Variants in FRMD4B observed in about 807,000 individuals in gnomAD.
FRMD4B encodes the protein FERM domain-containing protein 4B.
FRMD4B carries 74 observed loss-of-function variants against 141.5 expected under a neutral mutation model. The observed-to-expected ratio is 0.52, with a 90% CI of 0.43 to 0.63. The LOEUF is 0.63. Among genes scored for constraint, FRMD4B ranks in the 30% least tolerant of loss-of-function variants. The pLI, the probability that FRMD4B is intolerant of heterozygous loss-of-function variation, is 0.00. For synonymous variants in FRMD4B, 506 were observed against 467.9 expected, an observed-to-expected ratio of 1.08 and a Z score of -1.05; for missense variants, 1,366 against 1,253.4, an observed-to-expected ratio of 1.09 and a Z score of -1.36.
At chr3:69,299,653 TC>T (rs1264945979) in intron 4 of FRMD4B, among the ~76,000 whole-genome samples, 1 of 152,244 alleles carries the variant, frequency 6.6e-6, no homozygotes, top group Non-Finnish European at 1.5e-5. Flanking sequence ...TTAAAGTGAT[TC>T]ATTGTTTACT....
chr3:69,536,472 G>T, intron 1 of FRMD4B: 1 of 701,304 alleles, frequency 1.4e-6, no homozygotes, highest in Non-Finnish European at 2.6e-6. Flanking sequence ...AGAGCTTGAC[G>T]GCCACCGCCA....
chr3:69,324,227 T>C (rs928430454), intron 1 of FRMD4B, among the ~76,000 whole-genome samples: 4 of 152,222 alleles, frequency 2.6e-5, no homozygotes, highest in African/African-American at 9.6e-5. Context: ...ATGATATTTG[T>C]CAGTTATGTG....
chr3:69,405,239 T>C (rs1474430741), intron 2 of FRMD4B, among the ~76,000 whole-genome samples: 1 of 152,254 alleles, frequency 6.6e-6, no homozygotes, highest in Admixed American at 6.5e-5. Flanking sequence ...ATTCATTCTG[T>C]TGAGTGTGCT....
intron 1 of FRMD4B, among the ~76,000 whole-genome samples, chr3:69,470,954 T>C (rs1258422664): frequency 1.3e-5 from 2 of 152,322 alleles, no homozygotes; most frequent in East Asian, 3.9e-4. Flanking sequence ...CAAATAATGA[T>C]TAACTGCATC....
chr3:69,178,230 G>C (rs2092669509), intron 21 of FRMD4B, among the ~76,000 whole-genome samples: 1 of 152,134 alleles, frequency 6.6e-6, no homozygotes, highest in African/African-American at 2.4e-5. Context: ...TACACACAAA[G>C]TGCCTGTGAT....
chr3:69,475,100 G>A (rs773337239), intron 1 of FRMD4B, among the ~76,000 whole-genome samples: 1 of 152,142 alleles, frequency 6.6e-6, no homozygotes, highest in Non-Finnish European at 1.5e-5. Context: ...CTACAAAACA[G>A]GGCCAGGTTA....
At chr3:69,377,524 C>G (rs566841640) in intron 1 of FRMD4B, among the ~76,000 whole-genome samples, 1 of 152,328 alleles carries the variant, frequency 6.6e-6, no homozygotes, top group Admixed American at 6.5e-5. Context: ...ATGTGTTGCC[C>G]AAACTTATTT....
At chr3:69,237,194 T>C (rs2093350802) in intron 7 of FRMD4B, among the ~76,000 whole-genome samples, 2 of 117,564 alleles carry the variant, frequency 1.7e-5, no homozygotes, top group South Asian at 2.9e-4. Context: ...GAGGAGAGAA[T>C]TGGAAAGCTA....
intron 1 of FRMD4B, among the ~76,000 whole-genome samples, chr3:69,438,529 T>C (rs146379520): frequency 4.0e-4 from 61 of 152,342 alleles, no homozygotes; most frequent in Middle Eastern, 3.4e-3. Flanking sequence ...TGTGTCATTC[T>C]GCTAAAAATC....
chr3:69,321,632 C>T (rs188930169), intron 1 of FRMD4B, among the ~76,000 whole-genome samples: 11 of 152,142 alleles, frequency 7.2e-5, no homozygotes, highest in Non-Finnish European at 1.0e-4. Flanking sequence ...ACGGTGAGAC[C>T]GTGGTATATA....
At chr3:69,273,751 G>C (rs1351094417) in intron 5 of FRMD4B, among the ~76,000 whole-genome samples, 1 of 152,138 alleles carries the variant, frequency 6.6e-6, no homozygotes, top group Non-Finnish European at 1.5e-5. Flanking sequence ...GCCAGTGTTT[G>C]GGGAGATAAA....
At chr3:69,408,734 G>A (rs921616106) in intron 2 of FRMD4B, among the ~76,000 whole-genome samples, 2 of 152,094 alleles carry the variant, frequency 1.3e-5, no homozygotes, top group African/African-American at 2.4e-5. Flanking sequence ...AGATAGTTGC[G>A]TGGAGTCCTG....
chr3:69,222,859 T>G (rs1280664120), intron 8 of FRMD4B, among the ~76,000 whole-genome samples: 4 of 152,224 alleles, frequency 2.6e-5, no homozygotes, highest in African/African-American at 9.6e-5. Flanking sequence ...GGATGGAATA[T>G]AATACACATA....
chr3:69,222,016 G>C (rs2093200340), intron 8 of FRMD4B, 93 bp from the exon 9 acceptor site: 2 of 732,798 alleles, frequency 2.7e-6, no homozygotes, highest in East Asian at 2.7e-5. Flanking sequence ...CAGGAAACTT[G>C]AGAGAGAAAG....
chr3:69,287,598 T>A, intron 5 of FRMD4B, 154 bp downstream of exon 5: 1 of 603,884 alleles, frequency 1.7e-6, no homozygotes, highest in Admixed American at 3.0e-5. Flanking sequence ...CATTTGTGTA[T>A]GTGTGTAGTT....
chr3:69,387,833 A>G (rs2106711490), upstream of FRMD4B, among the ~76,000 whole-genome samples: 1 of 152,330 alleles, frequency 6.6e-6, no homozygotes, highest in Non-Finnish European at 1.5e-5. Flanking sequence ...TTTTTGTTGA[A>G]TTAGTTAATA....
At chr3:69,191,487 T>C (rs2092837046) in intron 17 of FRMD4B, among the ~76,000 whole-genome samples, 1 of 152,214 alleles carries the variant, frequency 6.6e-6, no homozygotes, top group African/African-American at 2.4e-5. Context: ...CTCAGATGTG[T>C]TGATCTGCAT....
At chr3:69,309,477 TC>T in intron 3 of FRMD4B, among the ~76,000 whole-genome samples, 1 of 151,838 alleles carries the variant, frequency 6.6e-6, no homozygotes, top group African/African-American at 2.4e-5. Flanking sequence ...TCTCACTCTG[TC>T]GCCCAGGCTG....
rs373036675 is a variant in FRMD4B at position 69,198,738 on chromosome 3, G to A, written c.913C>T (p.Arg305Cys). 7 of 1,565,694 alleles carry A rather than the reference G, an allele frequency of 4.5e-6. No homozygotes were observed. The highest frequency in any genetic ancestry group is 1.7e-4 in the Middle Eastern group (1 of 5,996). ...QWKQLENLYFREKKFAVEVHD... is the reference protein window; with the variant it reads ...QWKQLENLYFCEKKFAVEVHD... ...ACTTCAACAGCAAATTTTTTCTCACGGAAATATAAGTTCTCCAGCTGTTTC... is the reference window on the plus strand; with the variant it reads ...ACTTCAACAGCAAATTTTTTCTCACAGAAATATAAGTTCTCCAGCTGTTTC... The change falls in exon 12 of 23, where the codon CGT (arginine) becomes TGT (cysteine). Residue 305 changes from arginine (R) to cysteine (C), a missense_variant. Physicochemically the swap from Arg to Cys is radical, Grantham distance 180. Coordinates refer to ENST00000398540, the MANE Select transcript of FRMD4B (RefSeq NM_015123.3).
Sources: allele counts gnomAD v4.1 joint callset (sites outside exome capture counted in the v4.1 genomes callset), GRCh38; gene constraint gnomAD v4.1.1; transcripts MANE v1.5; gene names NCBI Gene and HGNC (gene_info 2026-07-23, HGNC 2026-07-21).